Variants in EYS observed in about 807,000 individuals in gnomAD.
The protein encoded by EYS is EGF-like photoreceptor maintenance factor, also known as protein eyes shut homolog.
A neutral mutation model predicts 282.1 loss-of-function variants in EYS; 250 were observed. The ratio of observed to expected loss-of-function variants is 0.89; its 90% confidence interval spans 0.80 to 0.98. The LOEUF (loss-of-function observed/expected upper bound fraction) is 0.98. Among genes scored for constraint, EYS ranks in the 50% least tolerant of loss-of-function variants. The probability of loss-of-function intolerance (pLI) is 0.00; values close to 1 mark genes in which losing one functional copy is unlikely to be tolerated. For synonymous variants in EYS, 1,355 were observed against 1,282.9 expected (o/e 1.06, Z -1.20); for missense variants, 4,016 against 3,709.0 (o/e 1.08, Z -2.15).
chr6:65,268,366 T>C (rs1331776531), intron 12 of EYS, among the ~76,000 whole-genome samples: 1 of 152,086 alleles, frequency 6.6e-6, no homozygotes, highest in Non-Finnish European at 1.5e-5. Flanking sequence ...GAAAAGATCA[T>C]GAATATTATG....
intron 41 of EYS, among the ~76,000 whole-genome samples, chr6:63,732,597 A>T (rs1388009654): frequency 6.6e-6 from 1 of 152,182 alleles, no homozygotes; most frequent in Admixed American, 6.5e-5. Context: ...TATTTCTTGT[A>T]TGTCTATCAA....
At chr6:64,303,985 A>C (rs181264927) in intron 30 of EYS, among the ~76,000 whole-genome samples, 1 of 152,334 alleles carries the variant, frequency 6.6e-6, no homozygotes, top group East Asian at 1.9e-4. Context: ...TGTGGTCCTA[A>C]GACCAACTTT....
intron 11 of EYS, among the ~76,000 whole-genome samples, chr6:65,325,094 G>A (rs1211138870): frequency 6.6e-6 from 1 of 152,148 alleles, no homozygotes; most frequent in East Asian, 1.9e-4. Flanking sequence ...TAACAAGGTG[G>A]CAGCAAGGGG....
At chr6:64,318,504 C>G (rs917414294) in intron 29 of EYS, among the ~76,000 whole-genome samples, 1 of 151,958 alleles carries the variant, frequency 6.6e-6, no homozygotes, top group Non-Finnish European at 1.5e-5. Context: ...AAACACATCA[C>G]AATTTTTTAA....
intron 5 of EYS, among the ~76,000 whole-genome samples, chr6:65,463,696 G>T (rs1019338223): frequency 1.8e-4 from 27 of 152,018 alleles, no homozygotes; most frequent in Admixed American, 1.4e-3. Flanking sequence ...ATATTTGTCA[G>T]GAAAATAAAC....
chr6:64,565,887 TACAA>T (rs1765550833), intron 26 of EYS, among the ~76,000 whole-genome samples: 1 of 140,680 alleles, frequency 7.1e-6, no homozygotes, highest in African/African-American at 2.9e-5. Flanking sequence ...CTTAAATAGA[TACAA>T]TACAATTCTT....
intron 36 of EYS, among the ~76,000 whole-genome samples, chr6:63,823,518 G>A (rs931266033): frequency 6.6e-6 from 1 of 151,996 alleles, no homozygotes; most frequent in Admixed American, 6.5e-5. Context: ...GTTTGCAATG[G>A]ACATGCATAT....
At chr6:65,033,374 G>A (rs2150145015) in intron 13 of EYS, among the ~76,000 whole-genome samples, 1 of 152,248 alleles carries the variant, frequency 6.6e-6, no homozygotes, top group South Asian at 2.1e-4. Flanking sequence ...CCAGAGCAAT[G>A]GAAAACATGC....
intron 31 of EYS, among the ~76,000 whole-genome samples, chr6:64,184,711 C>T (rs778853136): frequency 6.6e-6 from 1 of 152,110 alleles, no homozygotes; most frequent in Non-Finnish European, 1.5e-5. Flanking sequence ...GCTCCTTGTT[C>T]TGATTTCACA....
chr6:64,366,518 CAATT>C (rs1224865811), intron 29 of EYS, among the ~76,000 whole-genome samples: 1 of 151,990 alleles, frequency 6.6e-6, no homozygotes, highest in Admixed American at 6.6e-5. Context: ...CATTTGCAAA[CAATT>C]TATTTTCTGT....
At chr6:63,896,337 T>A (rs1424304413) in intron 35 of EYS, among the ~76,000 whole-genome samples, 1 of 152,222 alleles carries the variant, frequency 6.6e-6, no homozygotes, top group African/African-American at 2.4e-5. Context: ...CTCAGATTAT[T>A]TTGTATAACT....
At chr6:64,414,208 G>C (rs542824213) in intron 28 of EYS, among the ~76,000 whole-genome samples, 2 of 152,042 alleles carry the variant, frequency 1.3e-5, no homozygotes, top group Non-Finnish European at 2.9e-5. Flanking sequence ...GAAATGAAGA[G>C]AAATTAAAAG....
intron 12 of EYS, among the ~76,000 whole-genome samples, chr6:65,289,423 T>C (rs1056546941): frequency 1.3e-5 from 2 of 150,986 alleles, no homozygotes; most frequent in African/African-American, 2.4e-5. Context: ...GGGAGTATGG[T>C]ATATAGATTG....
At chr6:64,069,441 T>A (rs1771492256) in intron 32 of EYS, among the ~76,000 whole-genome samples, 2 of 152,028 alleles carry the variant, frequency 1.3e-5, no homozygotes, top group African/African-American at 2.4e-5. Context: ...TGTATGTATA[T>A]ACATATCAGT....
intron 41 of EYS, among the ~76,000 whole-genome samples, chr6:63,735,329 C>T (rs566240295): frequency 1.3e-5 from 2 of 152,152 alleles, no homozygotes; most frequent in Admixed American, 6.6e-5. Flanking sequence ...TTTTTTATAA[C>T]TCACTTTGAA....
intron 29 of EYS, among the ~76,000 whole-genome samples, chr6:64,368,315 A>G (rs1015436334): frequency 1.3e-5 from 2 of 152,134 alleles, no homozygotes; most frequent in South Asian, 2.1e-4. Flanking sequence ...TATGTACCAC[A>G]TATTTTTAAT....
intron 35 of EYS, among the ~76,000 whole-genome samples, chr6:63,925,144 C>A (rs1764679526): frequency 6.6e-6 from 1 of 152,148 alleles, no homozygotes; most frequent in African/African-American, 2.4e-5. Flanking sequence ...GAAAGCAGCC[C>A]TGAGAATTAA....
At chr6:63,952,401 G>A (rs1378251686) in intron 35 of EYS, among the ~76,000 whole-genome samples, 2 of 152,230 alleles carry the variant, frequency 1.3e-5, no homozygotes, top group African/African-American at 2.4e-5. Flanking sequence ...CATCACAGAT[G>A]CTTTGGGTAA....
At chr6:65,645,994 G>A (rs1767437989) in intron 1 of EYS, among the ~76,000 whole-genome samples, 1 of 151,962 alleles carries the variant, frequency 6.6e-6, no homozygotes, top group African/African-American at 2.4e-5. Context: ...AAGAAACTCT[G>A]AACAAACCAA....
Sources: gnomAD v4.1 joint callset for allele counts (sites outside exome capture counted in the v4.1 genomes callset) on GRCh38, gnomAD v4.1.1 for gene constraint, MANE v1.5 for transcripts, NCBI Gene and HGNC (gene_info 2026-07-23, HGNC 2026-07-21) for gene names.